GRID2: variants seen among roughly 807,000 people sequenced by gnomAD.
GRID2 encodes glutamate receptor ionotropic, delta-2.
GRID2 carries 33 observed loss-of-function variants against 114.8 expected under a neutral mutation model. The ratio of observed to expected loss-of-function variants is 0.29; its 90% CI spans 0.22 to 0.38. The LOEUF is 0.38. Ranked by LOEUF, GRID2 falls within the 10% of genes least tolerant of loss-of-function variation. The pLI is 1.00. For synonymous variants in GRID2, 505 were observed against 449.9 expected (o/e 1.12, Z -1.55); for missense variants, 1,184 against 1,257.7 (o/e 0.94, Z 0.89).
intron 12 of GRID2, among the ~76,000 whole-genome samples, chr4:93,498,755 G>A (rs866709802): frequency 4.0e-5 from 6 of 151,854 alleles, no homozygotes; most frequent in Middle Eastern, 6.8e-3. Context: ...TTCTCATCCA[G>A]ATACCTTTTA....
intron 2 of GRID2, among the ~76,000 whole-genome samples, chr4:92,971,431 G>A (rs1411547735): frequency 2.6e-5 from 4 of 151,774 alleles, no homozygotes; most frequent in Non-Finnish European, 4.4e-5. Flanking sequence ...TAGTTGACAT[G>A]TAATAATTGT....
intron 2 of GRID2, among the ~76,000 whole-genome samples, chr4:93,009,806 A>G (rs933946096): frequency 6.6e-6 from 1 of 152,042 alleles, no homozygotes; most frequent in African/African-American, 2.4e-5. Context: ...GTCTTATATT[A>G]AAATTTATGA....
intron 2 of GRID2, among the ~76,000 whole-genome samples, chr4:93,071,998 A>C (rs1403776285): frequency 6.6e-6 from 1 of 152,176 alleles, no homozygotes; most frequent in Non-Finnish European, 1.5e-5. Flanking sequence ...AATGTCAAAA[A>C]AAAGCACTGG....
intron 2 of GRID2, among the ~76,000 whole-genome samples, chr4:92,646,885 ATTCTTTTTTTT>A (rs1304367474): frequency 9.4e-4 from 143 of 151,402 alleles, no homozygotes; most frequent in East Asian, 4.6e-3. Flanking sequence ...CAGTCTTTGA[ATTCTTTTTTTT>A]TTTTTTTTTT....
At chr4:93,338,442 T>A (rs1759308345) in intron 8 of GRID2, among the ~76,000 whole-genome samples, 1 of 152,192 alleles carries the variant, frequency 6.6e-6, no homozygotes, top group East Asian at 1.9e-4. Flanking sequence ...TTGCATAGCA[T>A]GCTGCCATAT....
intron 2 of GRID2, among the ~76,000 whole-genome samples, chr4:92,782,536 A>C (rs1333255274): frequency 6.6e-6 from 1 of 152,134 alleles, no homozygotes; most frequent in Non-Finnish European, 1.5e-5. Context: ...CATGCTATGT[A>C]TGTTAGCATT....
intron 1 of GRID2, among the ~76,000 whole-genome samples, chr4:92,376,318 AAT>A (rs761482944): frequency 1.3e-5 from 2 of 152,012 alleles, no homozygotes; most frequent in Non-Finnish European, 2.9e-5. Context: ...TCAAAAAAAT[AAT>A]ATATTAAAAC....
chr4:93,111,040 G>A, intron 4 of GRID2, 87 bp downstream of exon 4: 1 of 819,296 alleles, frequency 1.2e-6, no homozygotes, highest in Non-Finnish European at 2.1e-6. Flanking sequence ...AAAATTAAGA[G>A]CAGTGCGAGG....
intron 2 of GRID2, among the ~76,000 whole-genome samples, chr4:92,594,283 T>C (rs561434527): frequency 6.6e-6 from 1 of 152,054 alleles, no homozygotes; most frequent in African/African-American, 2.4e-5. Context: ...TATTTATTAT[T>C]TATGTTCAAC....
chr4:93,423,480 T>TG (rs1166085613), intron 10 of GRID2, among the ~76,000 whole-genome samples: 6 of 151,014 alleles, frequency 4.0e-5, no homozygotes, highest in African/African-American at 1.5e-4. Context: ...CCCGAGTAGC[T>TG]GGACTACAGG....
At chr4:92,461,227 G>C (rs551668317) in intron 1 of GRID2, among the ~76,000 whole-genome samples, 1 of 152,028 alleles carries the variant, frequency 6.6e-6, no homozygotes, top group African/African-American at 2.4e-5. Flanking sequence ...TCGTAGGAAT[G>C]TTACATGGTA....
chr4:93,163,823 C>G (rs1259580974), intron 4 of GRID2, among the ~76,000 whole-genome samples: 1 of 151,866 alleles, frequency 6.6e-6, no homozygotes, highest in African/African-American at 2.4e-5. Flanking sequence ...AGGCTACCTG[C>G]AAATGCCCCT....
intron 14 of GRID2, among the ~76,000 whole-genome samples, chr4:93,628,229 C>CAATTATG: frequency 6.6e-6 from 1 of 152,104 alleles, no homozygotes; most frequent in Non-Finnish European, 1.5e-5. Context: ...CTACAAAAAT[C>CAATTATG]AATTATGCCA....
intron 1 of GRID2, among the ~76,000 whole-genome samples, chr4:92,451,243 T>C (rs1371743653): frequency 6.6e-6 from 1 of 152,130 alleles, no homozygotes; most frequent in Non-Finnish European, 1.5e-5. Flanking sequence ...GAATACGTGT[T>C]TGAATCAGAC....
intron 14 of GRID2, among the ~76,000 whole-genome samples, chr4:93,649,788 A>G (rs1272052240): frequency 6.6e-6 from 1 of 152,168 alleles, no homozygotes. Flanking sequence ...AGATTTCCCT[A>G]TTATCAGTCT....
chr4:93,389,991 G>A (rs1243409225), intron 8 of GRID2, among the ~76,000 whole-genome samples: 1 of 152,114 alleles, frequency 6.6e-6, no homozygotes, highest in African/African-American at 2.4e-5. Flanking sequence ...GTTTCACCAT[G>A]TTGGCCAGGC....
chr4:93,751,405 T>C (rs554699485), intron 14 of GRID2, among the ~76,000 whole-genome samples: 6 of 152,042 alleles, frequency 3.9e-5, no homozygotes, highest in Non-Finnish European at 7.3e-5. Context: ...GTTTTTCTTC[T>C]TGGTGAGTGA....
chr4:92,798,816 G>A (rs186527329), intron 2 of GRID2, among the ~76,000 whole-genome samples: 2 of 151,956 alleles, frequency 1.3e-5, no homozygotes, highest in African/African-American at 2.4e-5. Flanking sequence ...AGGGTACAGA[G>A]TTACCAAGTC....
At chr4:93,765,476 A>G (rs1733573948) in intron 14 of GRID2, among the ~76,000 whole-genome samples, 1 of 152,008 alleles carries the variant, frequency 6.6e-6, no homozygotes, top group Admixed American at 6.6e-5. Context: ...AAGCACCTAG[A>G]GAGGGTGCTT....
Sources: allele counts gnomAD v4.1 joint callset (sites outside exome capture counted in the v4.1 genomes callset), GRCh38; gene constraint gnomAD v4.1.1; transcripts MANE v1.5; gene names NCBI Gene and HGNC (gene_info 2026-07-23, HGNC 2026-07-21).